ZDHHC21: variants seen among roughly 807,000 people sequenced by gnomAD.
ZDHHC21 encodes zDHHC palmitoyltransferase 21.
ZDHHC21 carries 15 observed loss-of-function variants against 34.6 expected under a neutral mutation model. The observed-to-expected ratio is 0.43, with a 90% CI of 0.29 to 0.67. The LOEUF is 0.67. Among genes scored for constraint, ZDHHC21 ranks in the 30% least tolerant of loss-of-function variants. The pLI is 0.14. For synonymous variants in ZDHHC21, 142 were observed against 101.8 expected (o/e 1.40, Z -2.38); for missense variants, 344 against 327.7 (o/e 1.05, Z -0.38).
intron 2 of ZDHHC21, among the ~76,000 whole-genome samples, chr9:14,689,692 ATTTACC>A (rs1476347292): frequency 6.6e-6 from 1 of 152,160 alleles, no homozygotes; most frequent in African/African-American, 2.4e-5. Flanking sequence ...TAATACAGGC[ATTTACC>A]TTTATTTTTC....
intron 8 of ZDHHC21, among the ~76,000 whole-genome samples, chr9:14,630,328 A>C (rs1428610356): frequency 6.6e-6 from 1 of 152,222 alleles, no homozygotes; most frequent in Non-Finnish European, 1.5e-5. Flanking sequence ...CTCATCCATA[A>C]GAAGCAAATT....
chr9:14,590,324 T>C, the ZDHHC21 span, among the ~76,000 whole-genome samples: 1 of 152,114 alleles, frequency 6.6e-6, no homozygotes, highest in Non-Finnish European at 1.5e-5. Context: ...TCATATTACT[T>C]GTGTTTAGGA....
chr9:14,649,497 A>T (rs1225298701), intron 7 of ZDHHC21, among the ~76,000 whole-genome samples: 1 of 152,092 alleles, frequency 6.6e-6, no homozygotes, highest in Non-Finnish European at 1.5e-5. Context: ...AAAGTTTATT[A>T]TATTCTAAAA....
At position 14,672,909 on chromosome 9, in the gene ZDHHC21, T is replaced by G; in HGVS notation, c.174A>C (p.Ile58=). 6.2e-7 allele frequency: 1 copy of G among 1,600,422 alleles called. No individual in the cohort carries two copies. The highest frequency in any genetic ancestry group is 8.5e-7 in the Non-Finnish European group (1 of 1,171,162). ...ILIIIFYGIS[I]FCLVALVRAS... ...CCCTCACTAAGGCAACCAGACAGAA[T>G]ATGGAAATGCCATAGAATACTTTAA... The change falls in exon 5 of 10, where the codon ATA becomes ATC. Residue 58 remains isoleucine, a synonymous_variant. Transcript: ENST00000380916.
intron 2 of ZDHHC21, among the ~76,000 whole-genome samples, chr9:14,680,647 A>G (rs957950658): frequency 1.3e-5 from 2 of 152,140 alleles, no homozygotes; most frequent in African/African-American, 4.8e-5. Flanking sequence ...AAAAAAACAT[A>G]CTGTAAAGTA....
chr9:14,638,452 C>T (rs1828698552), intron 8 of ZDHHC21, among the ~76,000 whole-genome samples: 1 of 151,920 alleles, frequency 6.6e-6, no homozygotes, highest in African/African-American at 2.4e-5. Flanking sequence ...CAGAGGAAAA[C>T]TTAGGAAAAA....
At chr9:14,664,063 A>G (rs1338432293) in intron 5 of ZDHHC21, among the ~76,000 whole-genome samples, 2 of 152,186 alleles carry the variant, frequency 1.3e-5, no homozygotes, top group African/African-American at 4.8e-5. Context: ...AGCGACGCAG[A>G]AGACGGGTGA....
At chr9:14,600,480 C>T in the ZDHHC21 span, among the ~76,000 whole-genome samples, 1 of 152,114 alleles carries the variant, frequency 6.6e-6, no homozygotes, top group South Asian at 2.1e-4. Flanking sequence ...GAACTATAAA[C>T]CACTGCTCAA....
At chr9:14,677,811 A>AT (rs1315172320) in intron 3 of ZDHHC21, among the ~76,000 whole-genome samples, 1 of 152,070 alleles carries the variant, frequency 6.6e-6, no homozygotes, top group Non-Finnish European at 1.5e-5. Flanking sequence ...GAATACCACT[A>AT]TTTTTTGCCT....
At chr9:14,687,535 G>C (rs1326695638) in intron 2 of ZDHHC21, among the ~76,000 whole-genome samples, 1 of 150,716 alleles carries the variant, frequency 6.6e-6, no homozygotes, top group Non-Finnish European at 1.5e-5. Flanking sequence ...GCCAGGCATA[G>C]TGGCGCCCGC....
chr9:14,633,060 A>G (rs1197699763), intron 8 of ZDHHC21, among the ~76,000 whole-genome samples: 8 of 152,192 alleles, frequency 5.3e-5, no homozygotes, highest in Non-Finnish European at 1.0e-4. Context: ...CCACTTCTAT[A>G]TACCCCAAAG....
intron 3 of ZDHHC21, among the ~76,000 whole-genome samples, chr9:14,674,836 A>T (rs1007628577): frequency 2.0e-5 from 3 of 151,948 alleles, no homozygotes; most frequent in African/African-American, 7.2e-5. Flanking sequence ...TTGTGGTTGC[A>T]GGGGTGTATA....
In ZDHHC21 at chr9:14,693,327, C is replaced by T. The variant is rs777191383; in HGVS notation, c.-323G>A. On this transcript the variant is annotated 5_prime_UTR_variant, in exon 1 of 10. Coordinates refer to ENST00000380916, the MANE Select transcript of ZDHHC21 (RefSeq NM_178566.6). ...GCCACCTCCGCCTCCTCCGGCGCCG[C>T]CGCCCAGGCCGGGCCGCTCTCCCCT... 1 of 413,752 alleles carries T rather than the reference C, an allele frequency of 2.4e-6. No individual in the cohort carries two copies. The highest frequency in any genetic ancestry group is 1.7e-5 in the South Asian group (1 of 60,326). The allele number at this position is 413,752 out of a possible 1,614,324, so 25.6% of individuals were successfully genotyped here.
intron 7 of ZDHHC21, among the ~76,000 whole-genome samples, chr9:14,643,524 G>A (rs763784648): frequency 1.4e-4 from 22 of 152,026 alleles, no homozygotes; most frequent in Non-Finnish European, 3.1e-4. Flanking sequence ...TTAATTTTAC[G>A]TAGTCCAATG....
intron 8 of ZDHHC21, among the ~76,000 whole-genome samples, chr9:14,622,358 T>C (rs1027854178): frequency 2.6e-5 from 4 of 151,746 alleles, no homozygotes; most frequent in African/African-American, 9.7e-5. Flanking sequence ...TCTAAAAAAT[T>C]ATGTTGACTA....
At chr9:14,656,870 T>C (rs1159419930) in intron 7 of ZDHHC21, among the ~76,000 whole-genome samples, 1 of 152,032 alleles carries the variant, frequency 6.6e-6, no homozygotes, top group African/African-American at 2.4e-5. Flanking sequence ...CTGGTTTGAC[T>C]TTTTAAAACC....
chr9:14,604,327 C>G, the ZDHHC21 span, among the ~76,000 whole-genome samples: 1,366 of 152,124 alleles, frequency 9.0e-3, 20 homozygotes, highest in African/African-American at 0.03. Flanking sequence ...AATAATTGTT[C>G]TGTGGGATTT....
chr9:14,679,691 T>A (rs570519858), intron 3 of ZDHHC21, among the ~76,000 whole-genome samples: 3 of 152,142 alleles, frequency 2.0e-5, no homozygotes, highest in Non-Finnish European at 4.4e-5. Context: ...ACTGTTTAAT[T>A]TAGGCCTCTT....
At chr9:14,658,443 T>C (rs1232775317) in intron 7 of ZDHHC21, among the ~76,000 whole-genome samples, 2 of 150,722 alleles carry the variant, frequency 1.3e-5, no homozygotes, top group African/African-American at 2.4e-5. Flanking sequence ...ACTGCTCTAA[T>C]GTTAGTGGAT....
Sources: allele counts gnomAD v4.1 joint callset (sites outside exome capture counted in the v4.1 genomes callset), GRCh38; gene constraint gnomAD v4.1.1; transcripts MANE v1.5; gene names NCBI Gene and HGNC (gene_info 2026-07-23, HGNC 2026-07-21).